The following EGF variants were observed in gnomAD, a reference collection of about 807,000 sequenced individuals.
EGF encodes pro-epidermal growth factor.
In EGF, 95 loss-of-function variants were observed where a neutral mutation model predicts 143.8. The ratio of observed to expected loss-of-function variants is 0.66; its 90% CI spans 0.56 to 0.78. The LOEUF is 0.78. EGF is among the 30% of genes least tolerant of loss of function. EGF has a pLI of 0.00. For missense variants in EGF, 1,320 were observed against 1,470.9 expected (o/e 0.90, Z 1.68); for synonymous variants, 510 against 510.5 (o/e 1.00, Z 0.01).
chr4:109,973,142 G>C (rs1299382600), intron 11 of EGF, among the ~76,000 whole-genome samples: 1 of 152,160 alleles, frequency 6.6e-6, no homozygotes, highest in Non-Finnish European at 1.5e-5. Context: ...AGAAGCTGCT[G>C]ATCGTCCCTT....
At chr4:109,989,942 CAT>C (rs1219189561) in intron 18 of EGF, among the ~76,000 whole-genome samples, 5 of 151,968 alleles carry the variant, frequency 3.3e-5, no homozygotes, top group African/African-American at 1.2e-4. Flanking sequence ...CTCCCCGCCC[CAT>C]ATATATATGT....
chr4:109,927,120 C>T (rs945815793), intron 1 of EGF, among the ~76,000 whole-genome samples: 1 of 152,100 alleles, frequency 6.6e-6, no homozygotes, highest in African/African-American at 2.4e-5. Flanking sequence ...TAGAAATTTG[C>T]TGGTCTAATT....
At chr4:109,938,763 A>G (rs1054953695) in intron 1 of EGF, among the ~76,000 whole-genome samples, 1 of 152,096 alleles carries the variant, frequency 6.6e-6, no homozygotes, top group African/African-American at 2.4e-5. Context: ...TTTCCTTCTA[A>G]CAGACAGGCC....
In EGF at chr4:110,012,517, G is replaced by A. The variant is rs982339270; in HGVS notation, c.*1062G>A. 6.6e-5 allele frequency among the ~76,000 whole-genome samples: 10 copies of A among 152,236 alleles called. No homozygotes were observed. The highest frequency in any genetic ancestry group is 2.2e-4 in the African/African-American group (9 of 41,536). ...GCCTCCCGAGTAACTAGGACCACAG[G>A]CACAGGCCACCATGCCTGGCTAAGG... On this transcript the variant is annotated 3_prime_UTR_variant, in exon 24 of 24. Coordinates refer to ENST00000265171, the MANE Select transcript of EGF (RefSeq NM_001963.6).
intron 21 of EGF, among the ~76,000 whole-genome samples, chr4:110,003,133 A>G (rs1384290266): frequency 2.0e-5 from 3 of 152,108 alleles, no homozygotes. Flanking sequence ...ATTGACATCC[A>G]TGTGTCTTTA....
intron 5 of EGF, among the ~76,000 whole-genome samples, chr4:109,957,220 A>G (rs193246952): frequency 6.6e-6 from 1 of 152,324 alleles, no homozygotes; most frequent in Admixed American, 6.5e-5. Flanking sequence ...ACCAAAATGA[A>G]GTCACTCATG....
At position 109,961,080 on chromosome 4, in the gene EGF, A is replaced by G. The variant is rs191362395; in HGVS notation, c.1189+91A>G. The G allele has an allele frequency of 1.2e-4, 176 of 1,420,394 alleles. 4 individuals carry two copies. In the Admixed American group the frequency reaches 2.5e-3, roughly 21 times the overall value. 88.0% of individuals were successfully genotyped at this position (1,420,394 alleles called of 1,614,324 possible). ...CTATGATCTGGGTTGGTGATCTTCA[A>G]TCAGCAGTGTGCATCATAATTACCT... On this transcript the variant is annotated intron_variant, in intron 7 of 23. Transcript: ENST00000265171.
At chr4:109,963,109 C>A in intron 8 of EGF, 64 bp from the exon 9 acceptor site, 2 of 1,586,136 alleles carry the variant, frequency 1.3e-6, no homozygotes, top group African/African-American at 1.3e-5. Flanking sequence ...CGCCCCCATC[C>A]TTTGATGAAA....
chr4:109,951,651 TTAAG>T (rs774200894), intron 5 of EGF, among the ~76,000 whole-genome samples: 4 of 152,222 alleles, frequency 2.6e-5, no homozygotes, highest in African/African-American at 7.2e-5. Context: ...GCTCTATTAA[TTAAG>T]TGTGATAATT....
At chr4:109,936,057 T>C (rs890001951) in intron 1 of EGF, among the ~76,000 whole-genome samples, 1 of 152,220 alleles carries the variant, frequency 6.6e-6, no homozygotes, top group African/African-American at 2.4e-5. Context: ...GATGCTGGCC[T>C]CATAAAATGA....
At chr4:110,010,630 A>G (rs7662362) in intron 23 of EGF, among the ~76,000 whole-genome samples, 41,933 of 151,766 alleles carry the variant, frequency 0.28, 10,721 homozygotes, top group African/African-American at 0.64. Flanking sequence ...TTTTTATTTT[A>G]TGTAGAGATG....
rs41496247 is a variant in EGF at position 110,008,621 on chromosome 4, A to G, written c.3370+391A>G. On this transcript the variant is annotated intron_variant, in intron 23 of 23. Transcript: ENST00000265171. ...AGAAAACATGTTCCATGTTCAGCCC[A>G]TCTAGTGGGAAGTGTTTCTGTAAAT... Among the ~76,000 whole-genome samples, 414 of 152,318 alleles carry G rather than the reference A, an allele frequency of 2.7e-3. 1 individual carries two copies. The highest frequency in any genetic ancestry group is 6.8e-3 in the Middle Eastern group (2 of 294).
rs770423758 is a variant in EGF at position 109,999,697 on chromosome 4, C to T, written c.3024C>T (p.Ile1008=). Reference sequence around the variant, plus strand: ...GTCACAGCTGTGTTGTTGGCTACATCGGGGAGCGATGTCAGTACCGAGACC... The same window carrying T: ...GTCACAGCTGTGTTGTTGGCTACATTGGGGAGCGATGTCAGTACCGAGACC... The part of the protein sequence containing the change: ...KYACNCVVGY[I]GERCQYRDLK... Residue 1008 remains isoleucine, a synonymous_variant, in exon 21 of 24, where the codon ATC becomes ATT. Coordinates refer to ENST00000265171, the MANE Select transcript of EGF (RefSeq NM_001963.6). 3.1e-6 allele frequency: 5 copies of T among 1,613,964 alleles called. No individual in the cohort carries two copies. Among genetic ancestry groups the T allele is most frequent in the South Asian group, 2.2e-5 (2 of 91,072 alleles).
intron 12 of EGF, among the ~76,000 whole-genome samples, chr4:109,975,528 A>G (rs1016621935): frequency 3.3e-5 from 5 of 152,240 alleles, no homozygotes; most frequent in Non-Finnish European, 7.4e-5. Flanking sequence ...TGGAAGTTGA[A>G]ATTAACTGAG....
Position 109,974,810 on chromosome 4 carries a change from A to G in EGF, c.1829+3A>G. The G allele has an allele frequency of 6.2e-7, 1 of 1,610,068 alleles. No individual in the cohort carries two copies. The highest frequency in any genetic ancestry group is 1.1e-5 in the South Asian group (1 of 91,016). On this transcript the variant is annotated splice_donor_region_variant and intron_variant, in intron 12 of 23. Coordinates refer to ENST00000265171, the MANE Select transcript of EGF (RefSeq NM_001963.6). ...ATTGCTGTTCATCCAATGGCCAAGT[A>G]GGTATTTGTAAAAATAAGGCACTGC...
intron 12 of EGF, among the ~76,000 whole-genome samples, chr4:109,975,441 G>A (rs1055966289): frequency 3.3e-5 from 5 of 152,160 alleles, no homozygotes; most frequent in Admixed American, 1.3e-4. Flanking sequence ...CTGTGAGAAC[G>A]TAACCATTTC....
rs10002971 is a variant in EGF, at chr4:109,974,894, A to C, written c.1829+87A>C. ...ATGCTAGTGTCCAAAACCAGAAACCAAGAAAATCCATGCAATTTGTTCAAA... is the reference window on the plus strand; with the variant it reads ...ATGCTAGTGTCCAAAACCAGAAACCCAGAAAATCCATGCAATTTGTTCAAA... On this transcript the variant is annotated intron_variant, in intron 12 of 23. Transcript: ENST00000265171. The C allele has an allele frequency of 0.29, 283,061 of 966,874 alleles. 44,712 individuals are homozygous for C. Among genetic ancestry groups the C allele is most frequent in the Non-Finnish European group, 0.33 (202,986 of 610,810 alleles). 59.9% of individuals were successfully genotyped at this position (966,874 alleles called of 1,614,324 possible).
chr4:109,973,253 G>A (rs985893153), intron 11 of EGF, among the ~76,000 whole-genome samples: 3 of 152,000 alleles, frequency 2.0e-5, no homozygotes, highest in South Asian at 4.1e-4. Context: ...TCTCCTCACC[G>A]TCATCTCCTG....
chr4:109,955,557 A>G (rs1313608552), intron 5 of EGF, among the ~76,000 whole-genome samples: 3 of 152,312 alleles, frequency 2.0e-5, no homozygotes, highest in East Asian at 1.9e-4. Context: ...GCCTATGTCC[A>G]TTATTGAAGA....
Sources: allele counts gnomAD v4.1 joint callset (sites outside exome capture counted in the v4.1 genomes callset), GRCh38; gene constraint gnomAD v4.1.1; transcripts MANE v1.5; gene names NCBI Gene and HGNC (gene_info 2026-07-23, HGNC 2026-07-21).